The following ARHGEF7 variants were observed in gnomAD, a reference collection of about 807,000 sequenced individuals.
The protein encoded by ARHGEF7 is Rho guanine nucleotide exchange factor 7, also known as PAK-interacting exchange factor beta.
ARHGEF7 carries 33 observed loss-of-function variants against 109.8 expected under a neutral mutation model. That is an observed-to-expected ratio of 0.30 (90% CI 0.23 to 0.40). The LOEUF is 0.40. Ranked by LOEUF, ARHGEF7 falls within the 10% of genes least tolerant of loss-of-function variation. The pLI, the probability that ARHGEF7 is intolerant of heterozygous loss-of-function variation, is 1.00. For synonymous variants in ARHGEF7, 458 were observed against 424.6 expected (o/e 1.08, Z -0.97); for missense variants, 938 against 1,098.5 (o/e 0.85, Z 2.07).
intron 1 of ARHGEF7, among the ~76,000 whole-genome samples, chr13:111,115,898 C>CGGGGGGAGG (rs1566577624): frequency 1.4e-5 from 2 of 147,796 alleles, no homozygotes; most frequent in African/African-American, 5.0e-5. Context: ...GGCCGGGGAG[C>CGGGGGGAGG]GGGGTCGGGG....
At chr13:111,181,598 A>C (rs1289972161) in intron 2 of ARHGEF7, among the ~76,000 whole-genome samples, 1 of 152,066 alleles carries the variant, frequency 6.6e-6, no homozygotes, top group Non-Finnish European at 1.5e-5. Context: ...ATCAGTTTGC[A>C]CTCGGTTCTG....
At chr13:111,261,846 A>G (rs1008561896) in intron 8 of ARHGEF7, among the ~76,000 whole-genome samples, 6 of 152,246 alleles carry the variant, frequency 3.9e-5, no homozygotes, top group Non-Finnish European at 8.8e-5. Context: ...CATGGAAATT[A>G]AACAGTGTGC....
At chr13:111,122,010 G>C (rs1314608538) in intron 1 of ARHGEF7, among the ~76,000 whole-genome samples, 2 of 152,212 alleles carry the variant, frequency 1.3e-5, no homozygotes, top group African/African-American at 4.8e-5. Flanking sequence ...TGTAAGCCAA[G>C]ATTTGAACCT....
chr13:111,192,060 G>C (rs367776354), intron 2 of ARHGEF7, among the ~76,000 whole-genome samples: 1 of 152,208 alleles, frequency 6.6e-6, no homozygotes, highest in Non-Finnish European at 1.5e-5. Flanking sequence ...TTCAGGATCA[G>C]TGGTAGGAGC....
intron 18 of ARHGEF7, among the ~76,000 whole-genome samples, chr13:111,291,191 C>T (rs534048068): frequency 1.5e-4 from 23 of 152,376 alleles, no homozygotes; most frequent in Middle Eastern, 3.4e-3. Context: ...GGGGCATCCC[C>T]GCCTCTGCAT....
intron 19 of ARHGEF7, chr13:111,294,891 A>G: frequency 1.0e-6 from 1 of 985,892 alleles, no homozygotes; most frequent in Non-Finnish European, 1.2e-6. Flanking sequence ...CGCTTGCCAC[A>G]AGTATATAAT....
At chr13:111,188,361 GT>G (rs1453006987) in intron 2 of ARHGEF7, among the ~76,000 whole-genome samples, 1 of 152,248 alleles carries the variant, frequency 6.6e-6, no homozygotes, top group Non-Finnish European at 1.5e-5. Flanking sequence ...GATGCTTGTT[GT>G]TTGGGCCACT....
chr13:111,222,826 A>G (rs1209105512), intron 5 of ARHGEF7, among the ~76,000 whole-genome samples: 1 of 152,256 alleles, frequency 6.6e-6, no homozygotes, highest in African/African-American at 2.4e-5. Flanking sequence ...TAGGATCACA[A>G]TTACATTCAG....
intron 12 of ARHGEF7, among the ~76,000 whole-genome samples, chr13:111,276,823 G>A (rs60265890): frequency 6.6e-6 from 1 of 152,148 alleles, no homozygotes; most frequent in Non-Finnish European, 1.5e-5. Context: ...TAATTCCTAG[G>A]ACTGATTTCA....
chr13:111,277,541 G>A (rs1368534358), intron 12 of ARHGEF7, 46 bp from the exon 13 acceptor site: 2 of 1,189,046 alleles, frequency 1.7e-6, no homozygotes, highest in Non-Finnish European at 1.2e-6. Context: ...CATTTGTTAA[G>A]TAGATGTTTT....
intron 2 of ARHGEF7, among the ~76,000 whole-genome samples, chr13:111,180,899 C>T (rs943415294): frequency 6.6e-6 from 1 of 152,188 alleles, no homozygotes; most frequent in Non-Finnish European, 1.5e-5. Flanking sequence ...ACTGGAAGGA[C>T]ATTTAAGATT....
At chr13:111,293,645 T>C (rs768797203) in intron 19 of ARHGEF7, 30 of 985,226 alleles carry the variant, frequency 3.0e-5, no homozygotes, top group Non-Finnish European at 3.6e-5. Flanking sequence ...AAATGGAACC[T>C]TACGGTTGTG....
At chr13:111,277,757 T>C in intron 13 of ARHGEF7, 84 bp downstream of exon 13, 2 of 909,718 alleles carry the variant, frequency 2.2e-6, no homozygotes, top group Non-Finnish European at 3.5e-6. Context: ...AAATATTACG[T>C]GTATCTATCT....
At chr13:111,300,956 T>TC in intron 20 of ARHGEF7, 109 bp downstream of exon 20, 1 of 623,566 alleles carries the variant, frequency 1.6e-6, no homozygotes, top group Non-Finnish European at 2.7e-6. Context: ...GCTTCACTTT[T>TC]TTTTTTTTTG....
At chr13:111,244,076 C>T in intron 7 of ARHGEF7, 110 bp downstream of exon 7, 1 of 1,217,230 alleles carries the variant, frequency 8.2e-7, no homozygotes, top group Non-Finnish European at 1.2e-6. Context: ...TTTAGTGTAC[C>T]AGTTTGCCTT....
Position 111,266,579 on chromosome 13 carries a change from T to C in ARHGEF7, c.951-969T>C, listed in dbSNP as rs946584490. ...TTAGGCAAATGTATTTGTCCTTTCA[T>C]GCCTTCTTATAATTAAGGTTGGCAC... On this transcript the variant is annotated intron_variant, in intron 8 of 21. Coordinates refer to ENST00000646102, the MANE Select transcript of ARHGEF7 (RefSeq NM_001354046.2). This position sits in a 1 kb window ranked among gnomAD's most constrained non-coding sequence, Gnocchi z 4.8. Among the ~76,000 whole-genome samples, 1 of 152,244 alleles carries C rather than the reference T, an allele frequency of 6.6e-6. No homozygotes were observed. The highest frequency in any genetic ancestry group is 1.5e-5 in the Non-Finnish European group (1 of 68,042).
chr13:111,273,960 G>A lies in ARHGEF7; in HGVS notation c.1212+8G>A, dbSNP rs373532528. 71 of 1,613,726 alleles carry A rather than the reference G, an allele frequency of 4.4e-5. No individual in the cohort carries two copies. In the South Asian group the frequency reaches 6.0e-4, roughly 14 times the overall value. ...CTCGAGAGACACATGGAGGTACTGC[G>A]CTTTCATTCTCTTACTTGGAGTCCT... On this transcript the variant is annotated splice_region_variant and intron_variant, in intron 10 of 21. Transcript: ENST00000646102. The surrounding 1 kb of genome is among the most constrained non-coding windows in gnomAD (Gnocchi z 4.5).
At chr13:111,153,628 G>T in intron 1 of ARHGEF7, 4 of 1,181,644 alleles carry the variant, frequency 3.4e-6, no homozygotes, top group Non-Finnish European at 4.2e-6. Context: ...GGCCGGCGGG[G>T]GCGCGGTCTG....
At chr13:111,214,089 T>C (rs757763077) in intron 4 of ARHGEF7, among the ~76,000 whole-genome samples, 1 of 152,080 alleles carries the variant, frequency 6.6e-6, no homozygotes, top group African/African-American at 2.4e-5. Context: ...GCCTGCCCCC[T>C]GTACCCTTCC....
Sources: gnomAD v4.1 joint callset for allele counts (sites outside exome capture counted in the v4.1 genomes callset) on GRCh38, gnomAD v4.1.1 for gene constraint, Gnocchi (gnomAD v3.1) non-coding constraint, MANE v1.5 for transcripts, NCBI Gene and HGNC (gene_info 2026-07-23, HGNC 2026-07-21) for gene names.